Variants in AK4 observed in about 807,000 individuals in gnomAD.
AK4 encodes adenylate kinase 4, also known as adenylate kinase 4, mitochondrial.
A neutral mutation model predicts 24.6 loss-of-function variants in AK4; 13 were observed. The observed-to-expected ratio is 0.53, with a 90% confidence interval of 0.34 to 0.84. The LOEUF is 0.84. AK4 is among the 40% of genes least tolerant of loss of function. The pLI, the probability that AK4 is intolerant of heterozygous loss-of-function variation, is 0.01. For synonymous variants in AK4, 88 were observed against 107.0 expected (o/e 0.82, Z 1.10); for missense variants, 192 against 288.2 (o/e 0.67, Z 2.42).
intron 1 of AK4, among the ~76,000 whole-genome samples, chr1:65,186,319 G>T (rs1337972876): frequency 1.3e-5 from 2 of 151,954 alleles, no homozygotes; most frequent in African/African-American, 4.8e-5. Flanking sequence ...TGTATTTTTA[G>T]TAGGGCAACG....
intron 1 of AK4, among the ~76,000 whole-genome samples, chr1:65,155,513 TG>T (rs1467065707): frequency 1.1e-4 from 17 of 152,186 alleles, no homozygotes; most frequent in African/African-American, 4.1e-4. Flanking sequence ...TATTTAGGTA[TG>T]GATATATGTA....
intron 2 of AK4, among the ~76,000 whole-genome samples, chr1:65,213,588 T>C (rs1023816924): frequency 6.6e-6 from 1 of 152,324 alleles, no homozygotes; most frequent in Non-Finnish European, 1.5e-5. Flanking sequence ...CTAGGTGAGC[T>C]CTACCAAGAG....
chr1:65,228,979 G>A lies in AK4; in HGVS notation c.*2802G>A, dbSNP rs559875790. The A allele has an allele frequency of 2.6e-5, 4 of 152,200 alleles. No homozygotes were observed. Among genetic ancestry groups the A allele is most frequent in the African/African-American group, 9.6e-5 (4 of 41,536 alleles). The allele number at this position is 152,200 out of a possible 1,614,324, so 9.4% of individuals were successfully genotyped here. A position where few individuals can be genotyped will look rare whatever the true frequency, so the allele number is the denominator to read the frequency against. ...TGAAAACCTACTGAGTGAAATGTGC[G>A]GTTTTAGGACCTTCATAAACATCTC... On this transcript the variant is annotated 3_prime_UTR_variant, in exon 5 of 5. Transcript: ENST00000327299.
At chr1:65,168,145 CTTTTTT>C (rs3051710) in intron 1 of AK4, among the ~76,000 whole-genome samples, 2 of 125,272 alleles carry the variant, frequency 1.6e-5, no homozygotes, top group Admixed American at 8.7e-5. Flanking sequence ...TCTGCATATT[CTTTTTT>C]TTTTTTTTTT....
At chr1:65,195,614 G>A (rs928278440) in intron 2 of AK4, among the ~76,000 whole-genome samples, 2 of 152,132 alleles carry the variant, frequency 1.3e-5, no homozygotes, top group Admixed American at 6.5e-5. Flanking sequence ...TTGAATCCCC[G>A]CTCTGCCACT....
intron 2 of AK4, among the ~76,000 whole-genome samples, chr1:65,218,511 TTAAA>T (rs1269755719): frequency 2.0e-5 from 3 of 152,248 alleles, no homozygotes; most frequent in Non-Finnish European, 2.9e-5. Context: ...ATATTCTTGG[TTAAA>T]GCTCATTTTT....
chr1:65,157,792 G>GA (rs939998627), intron 1 of AK4, among the ~76,000 whole-genome samples: 47 of 147,384 alleles, frequency 3.2e-4, no homozygotes, highest in South Asian at 6.4e-4. Flanking sequence ...CTGTCTCTGA[G>GA]AAAAAAAAAA....
intron 1 of AK4, among the ~76,000 whole-genome samples, chr1:65,149,589 CTAAT>C (rs1649698186): frequency 6.6e-6 from 1 of 152,174 alleles, no homozygotes; most frequent in Non-Finnish European, 1.5e-5. Context: ...CCATCATGGA[CTAAT>C]TATCCGGAGA....
chr1:65,200,282 T>A (rs1251845309), intron 2 of AK4, among the ~76,000 whole-genome samples: 1 of 152,188 alleles, frequency 6.6e-6, no homozygotes, highest in East Asian at 1.9e-4. Flanking sequence ...CCTGGCTAAT[T>A]TTTTGTATTT....
At chr1:65,163,633 C>T (rs1650240576) in intron 1 of AK4, among the ~76,000 whole-genome samples, 1 of 152,200 alleles carries the variant, frequency 6.6e-6, no homozygotes, top group African/African-American at 2.4e-5. Context: ...AGTGTAACCT[C>T]CCGATGGGCT....
chr1:65,184,448 A>G (rs1204795775), intron 1 of AK4, among the ~76,000 whole-genome samples: 1 of 152,226 alleles, frequency 6.6e-6, no homozygotes, highest in Non-Finnish European at 1.5e-5. Context: ...AACTTAAGAA[A>G]AAGGCAAAGA....
At chr1:65,189,677 A>ACACACCCC (rs1553124628) in intron 1 of AK4, among the ~76,000 whole-genome samples, 1 of 150,764 alleles carries the variant, frequency 6.6e-6, no homozygotes, top group Non-Finnish European at 1.5e-5. Context: ...ACACACACAC[A>ACACACCCC]CCCCACACAT....
chr1:65,223,489 CAACT>C (rs1652358347), intron 3 of AK4, among the ~76,000 whole-genome samples: 2 of 152,110 alleles, frequency 1.3e-5, no homozygotes, highest in South Asian at 2.1e-4. Flanking sequence ...GCGCCCCAAC[CAACT>C]GATAAATGTT....
intron 1 of AK4, among the ~76,000 whole-genome samples, chr1:65,176,495 C>T (rs567958409): frequency 6.6e-6 from 1 of 152,246 alleles, no homozygotes; most frequent in African/African-American, 2.4e-5. Context: ...ACGTTTAGAA[C>T]GGGCATAATG....
intron 1 of AK4, among the ~76,000 whole-genome samples, chr1:65,172,078 TATATATATATATATATATATA>T (rs1182257369): frequency 2.1e-5 from 2 of 94,902 alleles, no homozygotes; most frequent in Admixed American, 1.2e-4. Context: ...TATATATATA[TATATATATATATATATATATA>T]TATATTTAAA....
Position 65,157,842 on chromosome 1 carries a change from G to A in AK4, c.145+9290G>A, listed in dbSNP as rs574326915. Among the ~76,000 whole-genome samples, 45 of 152,178 alleles carry A rather than the reference G, an allele frequency of 3.0e-4. No individual in the cohort carries two copies. The East Asian group carries it at 6.4e-3, about 22-fold the overall frequency. On this transcript the variant is annotated intron_variant, in intron 1 of 4. Transcript: ENST00000327299. ...CAAGATGTGCATGCTTACAGAAGAG[G>A]CAGCTAACCCAGCATTTAGGAGGAG...
intron 1 of AK4, among the ~76,000 whole-genome samples, chr1:65,162,527 A>G (rs574354946): frequency 9.8e-4 from 149 of 152,186 alleles, no homozygotes; most frequent in Admixed American, 1.2e-3. Flanking sequence ...ATTTGCATAC[A>G]GTAAAATTTA....
chr1:65,208,677 CTT>C (rs2101068313), intron 2 of AK4, among the ~76,000 whole-genome samples: 1 of 152,308 alleles, frequency 6.6e-6, no homozygotes, highest in South Asian at 2.1e-4. Flanking sequence ...GGAAGTTGCC[CTT>C]CTGAACTGCC....
intron 1 of AK4, among the ~76,000 whole-genome samples, chr1:65,189,574 A>C (rs994021146): frequency 6.6e-6 from 1 of 152,164 alleles, no homozygotes; most frequent in Non-Finnish European, 1.5e-5. Flanking sequence ...CACTGCGCCC[A>C]GCTGAGAATG....
Sources: allele counts gnomAD v4.1 joint callset (sites outside exome capture counted in the v4.1 genomes callset), GRCh38; gene constraint gnomAD v4.1.1; transcripts MANE v1.5; gene names NCBI Gene and HGNC (gene_info 2026-07-23, HGNC 2026-07-21).